Variants in TRPM3 observed in about 807,000 individuals in gnomAD.
The protein encoded by TRPM3 is transient receptor potential cation channel subfamily M member 3.
A neutral mutation model predicts 181.2 loss-of-function variants in TRPM3; 77 were observed. That is an observed-to-expected ratio of 0.42 (90% CI 0.35 to 0.51). The LOEUF (loss-of-function observed/expected upper bound fraction) is 0.51. Among genes scored for constraint, TRPM3 ranks in the 20% least tolerant of loss-of-function variants. The probability of loss-of-function intolerance (pLI) is 0.01; values close to 1 mark genes in which losing one functional copy is unlikely to be tolerated. For synonymous variants in TRPM3, 745 were observed against 796.4 expected, an observed-to-expected ratio of 0.94 and a Z score of 1.09; for missense variants, 1,759 against 2,196.7, an observed-to-expected ratio of 0.80 and a Z score of 3.98.
chr9:71,122,517 A>G (rs1387457661), upstream of TRPM3, among the ~76,000 whole-genome samples: 3 of 152,184 alleles, frequency 2.0e-5, no homozygotes, highest in South Asian at 4.1e-4. Context: ...GAGCATCGCC[A>G]TCTTATTTAT....
chr9:71,134,676 G>A (rs2074656886), intron 1 of TRPM3, among the ~76,000 whole-genome samples: 1 of 151,824 alleles, frequency 6.6e-6, no homozygotes, highest in Non-Finnish European at 1.5e-5. Flanking sequence ...ATAATTCAAT[G>A]TGGCAGTGAT....
chr9:70,945,322 C>G, intron 1 of TRPM3, among the ~76,000 whole-genome samples: 1 of 152,194 alleles, frequency 6.6e-6, no homozygotes, highest in Non-Finnish European at 1.5e-5. Context: ...TACAGCCAGT[C>G]TCTTCTTTTG....
At chr9:70,776,579 A>C in intron 7 of TRPM3, 1 of 603,176 alleles carries the variant, frequency 1.7e-6, no homozygotes, top group African/African-American at 1.9e-5. Context: ...TAAGCAATAA[A>C]TCTGTCAGTC....
intron 1 of TRPM3, among the ~76,000 whole-genome samples, chr9:71,065,607 C>A (rs1325948739): frequency 6.6e-6 from 1 of 152,148 alleles, no homozygotes. Context: ...TTAAAAGCAT[C>A]TATTGATGAT....
At chr9:71,320,226 G>A (rs947155586) in intron 1 of TRPM3, among the ~76,000 whole-genome samples, 4 of 151,762 alleles carry the variant, frequency 2.6e-5, no homozygotes, top group African/African-American at 9.7e-5. Flanking sequence ...AGTGTGAAAG[G>A]TATATTAAAA....
chr9:71,353,107 T>G (rs1311603574), intron 1 of TRPM3, among the ~76,000 whole-genome samples: 2 of 152,110 alleles, frequency 1.3e-5, no homozygotes, highest in Non-Finnish European at 2.9e-5. Context: ...CTGCTCTCTC[T>G]GCTTGAAATA....
chr9:70,768,077 GA>G (rs2079497362), intron 7 of TRPM3, among the ~76,000 whole-genome samples: 1 of 152,166 alleles, frequency 6.6e-6, no homozygotes, highest in Admixed American at 6.5e-5. Context: ...GATATCAAGT[GA>G]TTCTGTTCAG....
At chr9:71,256,885 G>A (rs1447679318) in intron 1 of TRPM3, among the ~76,000 whole-genome samples, 2 of 151,876 alleles carry the variant, frequency 1.3e-5, no homozygotes, top group Non-Finnish European at 2.9e-5. Flanking sequence ...AGAGCAAACT[G>A]TACTCTTGCA....
At chr9:70,864,336 T>G in intron 2 of TRPM3, 96 bp downstream of exon 2, 1 of 779,362 alleles carries the variant, frequency 1.3e-6, no homozygotes, top group Non-Finnish European at 2.0e-6. Flanking sequence ...ATATTTAATT[T>G]GACAGTGTTT....
rs138473421 is a variant in TRPM3 at position 71,403,729 on chromosome 9, T to C, written c.183+42924A>G. ...CTGAACCCAGACAGTGTGACTCCTA[T>C]GCTCTATACCACTTGTAAGGCAAAT... is the stretch of plus-strand genomic sequence containing the variant. On this transcript the variant is annotated intron_variant, in intron 1 of 24. Transcript: ENST00000357533. 1.2e-3 allele frequency among the ~76,000 whole-genome samples: 190 copies of C among 152,280 alleles called. 2 individuals are homozygous for C. Among genetic ancestry groups the C allele is most frequent in the Non-Finnish European group, 2.1e-3 (141 of 68,030 alleles).
chr9:70,748,676 C>T (rs189239966), intron 8 of TRPM3, among the ~76,000 whole-genome samples: 1 of 152,072 alleles, frequency 6.6e-6, no homozygotes, highest in Non-Finnish European at 1.5e-5. Flanking sequence ...CAAGAATGTA[C>T]CATTTACGAG....
At chr9:70,662,190 T>C (rs953764458) in intron 9 of TRPM3, among the ~76,000 whole-genome samples, 36 of 152,184 alleles carry the variant, frequency 2.4e-4, no homozygotes, top group African/African-American at 8.7e-4. Flanking sequence ...CCCTATTCAA[T>C]AAATGGTGCT....
intron 24 of TRPM3, among the ~76,000 whole-genome samples, chr9:70,550,547 T>C (rs1014797972): frequency 6.6e-6 from 1 of 152,234 alleles, no homozygotes; most frequent in Non-Finnish European, 1.5e-5. Flanking sequence ...ATAACTGATA[T>C]AGCAGTAGAA....
At chr9:71,409,984 T>C (rs2131443134) in intron 1 of TRPM3, among the ~76,000 whole-genome samples, 2 of 152,272 alleles carry the variant, frequency 1.3e-5, no homozygotes, top group South Asian at 4.1e-4. Context: ...GCATGGAAAC[T>C]GAACAACCTG....
chr9:71,424,353 T>TC (rs766015938), intron 1 of TRPM3, among the ~76,000 whole-genome samples: 19 of 152,082 alleles, frequency 1.2e-4, no homozygotes, highest in Admixed American at 4.6e-4. Context: ...CCATTTTTTT[T>TC]CCACTAAAAC....
intron 1 of TRPM3, among the ~76,000 whole-genome samples, chr9:71,014,339 T>C (rs1434597585): frequency 6.6e-6 from 1 of 152,154 alleles, no homozygotes; most frequent in East Asian, 1.9e-4. Context: ...ATGATTATTT[T>C]TGTGAATGTC....
At chr9:71,143,658 A>C (rs749572344) in intron 1 of TRPM3, among the ~76,000 whole-genome samples, 17 of 152,154 alleles carry the variant, frequency 1.1e-4, no homozygotes, top group Non-Finnish European at 2.2e-4. Flanking sequence ...ATACACATAC[A>C]TGTGTCTTTC....
chr9:70,629,060 A>G (rs2065205985), intron 12 of TRPM3, among the ~76,000 whole-genome samples: 1 of 151,868 alleles, frequency 6.6e-6, no homozygotes, highest in Non-Finnish European at 1.5e-5. Context: ...CAAATAGAAC[A>G]TTTTTAGAAA....
intron 22 of TRPM3, among the ~76,000 whole-genome samples, chr9:70,575,642 T>C (rs1197795237): frequency 6.6e-6 from 1 of 152,222 alleles, no homozygotes; most frequent in Non-Finnish European, 1.5e-5. Context: ...AAAAATGCTC[T>C]TTTTCTGGGC....
Sources: gnomAD v4.1 joint callset for allele counts (sites outside exome capture counted in the v4.1 genomes callset) on GRCh38, gnomAD v4.1.1 for gene constraint, MANE v1.5 for transcripts, NCBI Gene and HGNC (gene_info 2026-07-23, HGNC 2026-07-21) for gene names.